NRG3: variants seen among roughly 807,000 people sequenced by gnomAD.
NRG3 encodes neuregulin 3, also known as pro-neuregulin-3, membrane-bound isoform.
A neutral mutation model predicts 66.9 loss-of-function variants in NRG3; 31 were observed. That is an observed-to-expected ratio of 0.46 (90% CI 0.35 to 0.63). The LOEUF is 0.63. Ranked by LOEUF, NRG3 falls within the 20% of genes least tolerant of loss-of-function variation. NRG3 has a pLI of 0.00. For synonymous variants in NRG3, 393 were observed against 359.4 expected (o/e 1.09, Z -1.06); for missense variants, 910 against 878.9 (o/e 1.04, Z -0.45).
chr10:82,214,555 C>T (rs2075567957), intron 1 of NRG3, among the ~76,000 whole-genome samples: 1 of 152,160 alleles, frequency 6.6e-6, no homozygotes, highest in Non-Finnish European at 1.5e-5. Flanking sequence ...GTCTCAAACA[C>T]CTGGGCCCAA....
intron 2 of NRG3, among the ~76,000 whole-genome samples, chr10:82,425,142 T>C (rs2089339602): frequency 6.6e-6 from 1 of 152,110 alleles, no homozygotes; most frequent in Non-Finnish European, 1.5e-5. Context: ...TGAAATTCTC[T>C]ACGAACTTAG....
chr10:82,480,648 C>T (rs1337757098), intron 2 of NRG3, among the ~76,000 whole-genome samples: 2 of 152,214 alleles, frequency 1.3e-5, no homozygotes, highest in Non-Finnish European at 2.9e-5. Context: ...CCCCACTCTG[C>T]TCTGATTAGC....
intron 4 of NRG3, among the ~76,000 whole-genome samples, chr10:82,881,570 G>A: frequency 6.6e-6 from 1 of 152,116 alleles, no homozygotes; most frequent in East Asian, 1.9e-4. Flanking sequence ...CTATTTCTGT[G>A]AGAAAAAGGC....
chr10:81,978,562 A>G (rs1183389799), intron 1 of NRG3, among the ~76,000 whole-genome samples: 2 of 152,118 alleles, frequency 1.3e-5, no homozygotes, highest in Admixed American at 1.3e-4. Flanking sequence ...CTCCCAGTTC[A>G]TCCTTGAATC....
At chr10:82,457,366 C>T (rs1264998403) in intron 2 of NRG3, among the ~76,000 whole-genome samples, 1 of 152,160 alleles carries the variant, frequency 6.6e-6, no homozygotes, top group Admixed American at 6.5e-5. Context: ...TAGCCTAGAT[C>T]CCTCACATGT....
intron 3 of NRG3, among the ~76,000 whole-genome samples, chr10:82,803,083 C>T (rs997695172): frequency 6.6e-6 from 1 of 152,050 alleles, no homozygotes; most frequent in Non-Finnish European, 1.5e-5. Context: ...TCAAAGAAAC[C>T]GTCTGAGGCT....
rs5786567 is a variant in NRG3, at chr10:82,720,810, C to CATATATATAT, written c.954-17744_954-17735dup. Among the ~76,000 whole-genome samples the CATATATATAT allele has an allele frequency of 8.0e-3, 918 of 114,578 alleles. 20 individuals carry two copies. Among genetic ancestry groups the CATATATATAT allele is most frequent in the East Asian group, 0.037 (151 of 4,126 alleles). 75.2% of individuals were successfully genotyped at this position (114,578 alleles called of 152,430 possible). ...AACACATATATAGGAGTATTTTATACATATATATATATATATATATATATA... is the reference window on the plus strand; with the variant it reads ...AACACATATATAGGAGTATTTTATACATATATATATATATATATATATATATATATATATA... On this transcript the variant is annotated intron_variant, in intron 2 of 8. Transcript: ENST00000372141.
intron 1 of NRG3, among the ~76,000 whole-genome samples, chr10:81,983,364 C>T (rs569749105): frequency 1.2e-4 from 18 of 152,314 alleles, no homozygotes; most frequent in African/African-American, 4.1e-4. Context: ...CAGCACACCC[C>T]TCTTTATCTT....
At chr10:82,017,545 A>G (rs1287195274) in intron 1 of NRG3, among the ~76,000 whole-genome samples, 3 of 152,298 alleles carry the variant, frequency 2.0e-5, no homozygotes, top group Non-Finnish European at 4.4e-5. Flanking sequence ...ACTAGTTTAC[A>G]GTCCCACCAA....
At chr10:82,933,486 C>T (rs963610781) in intron 4 of NRG3, among the ~76,000 whole-genome samples, 1 of 152,120 alleles carries the variant, frequency 6.6e-6, no homozygotes. Flanking sequence ...TTCCAATTTG[C>T]TCGTAGTTCA....
At chr10:82,782,399 T>C (rs929394570) in intron 3 of NRG3, among the ~76,000 whole-genome samples, 20 of 152,134 alleles carry the variant, frequency 1.3e-4, no homozygotes, top group African/African-American at 4.6e-4. Context: ...GCAGGTCCCT[T>C]GGCCTTGGAA....
At chr10:82,191,782 G>C (rs1196880201) in intron 1 of NRG3, among the ~76,000 whole-genome samples, 1 of 152,112 alleles carries the variant, frequency 6.6e-6, no homozygotes, top group Non-Finnish European at 1.5e-5. Context: ...CACTGTTCTT[G>C]TCCCTTGTTG....
At chr10:82,865,745 G>A (rs1477318393) in intron 4 of NRG3, among the ~76,000 whole-genome samples, 1 of 152,058 alleles carries the variant, frequency 6.6e-6, no homozygotes, top group African/African-American at 2.4e-5. Context: ...GATAATAATA[G>A]GTTCTATTTT....
intron 2 of NRG3, among the ~76,000 whole-genome samples, chr10:82,634,525 T>A (rs2050055646): frequency 6.6e-6 from 1 of 152,186 alleles, no homozygotes; most frequent in East Asian, 1.9e-4. Context: ...TCAAATTAAA[T>A]AAGTTTGTTC....
chr10:82,533,639 A>T (rs766868011), intron 2 of NRG3, among the ~76,000 whole-genome samples: 3 of 152,178 alleles, frequency 2.0e-5, no homozygotes, highest in Admixed American at 6.5e-5. Context: ...CATTATACTC[A>T]ATGGTGAAAA....
At chr10:82,051,312 CACTT>C (rs60284980) in intron 1 of NRG3, among the ~76,000 whole-genome samples, 36,324 of 151,860 alleles carry the variant, frequency 0.24, 4,417 homozygotes, top group Middle Eastern at 0.33. Context: ...CTGACTCTGC[CACTT>C]ACATTGTTTG....
intron 1 of NRG3, among the ~76,000 whole-genome samples, chr10:82,241,862 A>T (rs1046081711): frequency 6.6e-6 from 1 of 152,176 alleles, no homozygotes; most frequent in Non-Finnish European, 1.5e-5. Flanking sequence ...AAAGCAACAG[A>T]CAGCTGCTCA....
intron 1 of NRG3, among the ~76,000 whole-genome samples, chr10:82,276,717 T>C (rs1255747429): frequency 6.6e-6 from 1 of 152,016 alleles, no homozygotes; most frequent in Non-Finnish European, 1.5e-5. Flanking sequence ...GGTGGACAAA[T>C]GTGTAATTCT....
intron 2 of NRG3, among the ~76,000 whole-genome samples, chr10:82,616,667 T>C (rs1343114737): frequency 6.6e-6 from 1 of 152,226 alleles, no homozygotes; most frequent in Non-Finnish European, 1.5e-5. Flanking sequence ...ATTTTATTGT[T>C]GTACTGTATT....
Sources: allele counts gnomAD v4.1 joint callset (sites outside exome capture counted in the v4.1 genomes callset), GRCh38; gene constraint gnomAD v4.1.1; transcripts MANE v1.5; gene names NCBI Gene and HGNC (gene_info 2026-07-23, HGNC 2026-07-21).